SAMD9: variants seen among roughly 807,000 people sequenced by gnomAD.
The protein encoded by SAMD9 is sterile alpha motif domain-containing protein 9.
SAMD9 carries 3 observed loss-of-function variants against 1.5 expected under a neutral mutation model. The observed-to-expected ratio is 2.05, with a 90% CI of 0.93 to 5.29. SAMD9 has a LOEUF of 5.29. Ranked by LOEUF, SAMD9 falls within the 30% of genes most tolerant of loss-of-function variation. SAMD9 has a pLI of 0.02. For missense variants in SAMD9, 1,597 were observed against 1,820.8 expected (o/e 0.88, Z 2.24); for synonymous variants, 635 against 631.9 (o/e 1.00, Z -0.07).
At chr7:93,115,712 G>A (rs768844145) in intron 1 of SAMD9, among the ~76,000 whole-genome samples, 3 of 151,982 alleles carry the variant, frequency 2.0e-5, no homozygotes, top group South Asian at 2.1e-4. Flanking sequence ...AAAATAAAAC[G>A]GATGAATAAA....
In SAMD9 at chr7:93,105,514, T is replaced by G. The variant is rs2116422273; in HGVS notation, c.584A>C (p.His195Pro). 1 of 1,614,148 alleles carries G rather than the reference T, an allele frequency of 6.2e-7. No individual in the cohort carries two copies. Among genetic ancestry groups the G allele is most frequent in the South Asian group, 1.1e-5 (1 of 91,082 alleles). Residue 195 changes from histidine (H) to proline (P), a missense_variant, in exon 3 of 3, where the codon CAT becomes CCT. His to Pro is a moderately conservative substitution (Grantham distance 77). Coordinates refer to ENST00000379958, the MANE Select transcript of SAMD9 (RefSeq NM_017654.4). The stretch of plus-strand genomic sequence containing the variant: ...TGTATTTGTGAAGGCTTTGAATTCA[T>G]GTATCGGATCAATGAGATTGCCTGG... ...TGPGNLIDPI[H>P]EFKAFTNTAT...
intron 2 of SAMD9, among the ~76,000 whole-genome samples, chr7:93,106,685 T>C (rs1300221047): frequency 6.6e-6 from 1 of 152,264 alleles, no homozygotes; most frequent in African/African-American, 2.4e-5. Context: ...GTTACCTATT[T>C]GGTGACACCC....
In SAMD9 at chr7:93,101,567, A is replaced by G. The variant is rs371770834; in HGVS notation, c.4531T>C (p.Leu1511=). The change falls in exon 3 of 3, where the codon TTG becomes CTG. Residue 1511 remains leucine, a synonymous_variant. Transcript: ENST00000379958. ...CFKKTPDINS[L]WQSGDVWKEE... Reference sequence around the variant, plus strand: ...TTCCACACATCTCCACTCTGCCACAAGGAATTAATATCTGGTGTCTTCTTA... The same window carrying G: ...TTCCACACATCTCCACTCTGCCACAGGGAATTAATATCTGGTGTCTTCTTA... 4.1e-5 allele frequency: 66 copies of G among 1,613,764 alleles called. No individual in the cohort carries two copies. The Admixed American group carries it at 6.8e-4, about 17-fold the overall frequency.
intron 2 of SAMD9, among the ~76,000 whole-genome samples, chr7:93,114,198 G>C (rs962579408): frequency 6.6e-6 from 1 of 151,440 alleles, no homozygotes; most frequent in African/African-American, 2.4e-5. Flanking sequence ...GTGTTGCCAA[G>C]GACAGAAAGT....
chr7:93,114,935 A>G (rs948714644), intron 1 of SAMD9, 40 bp from the exon 2 acceptor site: 1 of 152,232 alleles, frequency 6.6e-6, no homozygotes, highest in Non-Finnish European at 1.5e-5. Flanking sequence ...GTAATCACAA[A>G]GTCATCAATA....
rs756902783 is a variant in SAMD9, at chr7:93,103,896, A to T, written c.2202T>A (p.His734Gln). 5.6e-6 allele frequency: 9 copies of T among 1,613,894 alleles called. No homozygotes were observed. In the African/African-American group the frequency reaches 8.0e-5, roughly 14 times the overall value. ...CCCCACAGCCTGGATGATGATACAG[A>T]TGAATAATTTTGGTACTTGTTGGTT... is the stretch of plus-strand genomic sequence containing the variant. Reference protein sequence around the residue: ...SSKPTSTKIIHLYHHPGCGGT... With the variant: ...SSKPTSTKIIQLYHHPGCGGT... Residue 734 changes from histidine (H) to glutamine (Q), a missense_variant, in exon 3 of 3, where the codon CAT (histidine) becomes CAA (glutamine). His to Gln is a conservative substitution (Grantham distance 24). Transcript: ENST00000379958.
At position 93,105,459 on chromosome 7, in the gene SAMD9, C is replaced by T; in HGVS notation, c.639G>A (p.Met213Ile). 3 of 1,614,030 alleles carry T rather than the reference C, an allele frequency of 1.9e-6. No individual in the cohort carries two copies. Among genetic ancestry groups the T allele is most frequent in the Non-Finnish European group, 2.5e-6 (3 of 1,179,970 alleles). The change falls in exon 3 of 3, where the codon ATG becomes ATA. Residue 213 changes from methionine to isoleucine, a missense_variant. By Grantham distance (10) the Met-to-Ile change is conservative (BLOSUM62 1). Transcript: ENST00000379958. ...ATCGGAAAACCTCATTGCTAAATTT[C>T]ATCTTGACATCCTCTTCTGTGGCTG... ...TATATEEDVK[M>I]KFSNEVFRFA... is the part of the protein sequence containing the mutation.
chr7:93,108,314 C>T lies in SAMD9; in HGVS notation c.-8-2209G>A, dbSNP rs371604152. Among the ~76,000 whole-genome samples, 67 of 152,234 alleles carry T rather than the reference C, an allele frequency of 4.4e-4. 1 individual carries two copies. Among genetic ancestry groups the T allele is most frequent in the East Asian group, 4.2e-3 (22 of 5,192 alleles). ...GTCACCTCCTCAAGCCATAGGGTGC[C>T]GAGTCTAAAGCACAGGGCCGGGTTC... On this transcript the variant is annotated intron_variant, in intron 2 of 2. Transcript: ENST00000379958.
At chr7:93,117,671 G>A (rs1046913312) in intron 1 of SAMD9, among the ~76,000 whole-genome samples, 192 bp downstream of exon 1, 1 of 152,136 alleles carries the variant, frequency 6.6e-6, no homozygotes, top group Non-Finnish European at 1.5e-5. Flanking sequence ...GAAATGTTAT[G>A]ACTAATTTTT....
chr7:93,108,217 G>T (rs987229084), intron 2 of SAMD9, among the ~76,000 whole-genome samples: 1 of 152,196 alleles, frequency 6.6e-6, no homozygotes, highest in Non-Finnish European at 1.5e-5. Flanking sequence ...ACTTGTGTCC[G>T]CAAAGTTTGT....
At chr7:93,110,654 T>C (rs973520799) in intron 2 of SAMD9, among the ~76,000 whole-genome samples, 2 of 152,032 alleles carry the variant, frequency 1.3e-5, no homozygotes, top group Non-Finnish European at 2.9e-5. Flanking sequence ...AGGGTTGCAA[T>C]TGTAGTCTCT....
chr7:93,104,080 A>G lies in SAMD9; in HGVS notation c.2018T>C (p.Leu673Pro). ...TLLEKDKNKF[L>P]EFKASKEEDF... ...TTCCTCTTTTGATGCCTTGAATTCA[A>G]GGAATTTATTTTTGTCCTTCTCTAA... The change falls in exon 3 of 3, where the codon CTT becomes CCT. Residue 673 changes from leucine (L) to proline (P), a missense_variant. By Grantham distance (98) the Leu-to-Pro change is moderately conservative. This residue lies in a region of SAMD9 where 358 missense variants were observed against 460.4 expected (regional missense o/e 0.78). Transcript: ENST00000379958. 1 of 1,614,004 alleles carries G rather than the reference A, an allele frequency of 6.2e-7. No individual in the cohort carries two copies. The highest frequency in any genetic ancestry group is 8.5e-7 in the Non-Finnish European group (1 of 1,179,870).
Position 93,111,867 on chromosome 7 carries a change from T to G in SAMD9, c.-9+2928A>C, listed in dbSNP as rs1439190829. Among the ~76,000 whole-genome samples the G allele has an allele frequency of 2.0e-5, 3 of 152,152 alleles. No individual in the cohort carries two copies. The East Asian group carries it at 5.8e-4, about 29-fold the overall frequency. On this transcript the variant is annotated intron_variant, in intron 2 of 2. Transcript: ENST00000379958. ...GGACCAGATGGATTCACAGCCAAAT[T>G]CTACCAGAGGTACAAAGAGGAGCTG...
At position 93,102,535 on chromosome 7, in the gene SAMD9, CGCCTT is replaced by C. The variant is rs1584252276; in HGVS notation, c.3558_3562del (p.Arg1187ValfsTer2). On this transcript the variant is annotated frameshift_variant, in exon 3 of 3. Transcript: ENST00000379958. LOFTEE classifies it low-confidence loss of function (END_TRUNC). ...ACCAGCTATATTGTAAGTATCATAC[CGCCTT>C]TTTGACTTCGGATACAATCTTTCCT... is the stretch of plus-strand genomic sequence containing the variant. 2.5e-6 allele frequency: 4 copies of C among 1,613,606 alleles called. No individual in the cohort carries two copies. The highest frequency in any genetic ancestry group is 3.4e-6 in the Non-Finnish European group (4 of 1,179,656).
Position 93,101,326 on chromosome 7 carries a change from T to C in SAMD9, c.*2A>G, listed in dbSNP as rs1481553543. ...AATTCTTGGAGGAAGAATATCAGGC[T>C]CTTAAACAATTTCAATGTCATAAGC... On this transcript the variant is annotated 3_prime_UTR_variant, in exon 3 of 3. Coordinates refer to ENST00000379958, the MANE Select transcript of SAMD9 (RefSeq NM_017654.4). 5 of 1,608,818 alleles carry C rather than the reference T, an allele frequency of 3.1e-6. No individual in the cohort carries two copies. In the South Asian group the frequency reaches 5.5e-5, roughly 18 times the overall value.
Position 93,103,645 on chromosome 7 carries a change from A to G in SAMD9, c.2453T>C (p.Ile818Thr). The G allele has an allele frequency of 3.1e-6, 5 of 1,613,810 alleles. No homozygotes were observed. Among genetic ancestry groups the G allele is most frequent in the Non-Finnish European group, 3.4e-6 (4 of 1,179,752 alleles). The change falls in exon 3 of 3, where the codon ATA becomes ACA. Residue 818 changes from isoleucine (I) to threonine (T), a missense_variant. Around this residue, in one of 6 missense-constraint regions of SAMD9, gnomAD observed 55 missense variants for 58.6 expected, o/e 0.94. Coordinates refer to ENST00000379958, the MANE Select transcript of SAMD9 (RefSeq NM_017654.4). ...TTCATATCGAATGTACTTTTTAGCT[A>G]TAGCTGTTTGAATAGAGTACTGCAG... ...YLLQYSIQTA[I>T]AKKYIRYEKP...
chr7:93,105,131 T>C lies in SAMD9; in HGVS notation c.967A>G (p.Ile323Val). 6.2e-7 allele frequency: 1 copy of C among 1,613,700 alleles called. No individual in the cohort carries two copies. The highest frequency in any genetic ancestry group is 1.1e-5 in the South Asian group (1 of 91,018). Reference sequence around the variant, plus strand: ...TTGTTGTTGTAATTTTGCATTTTAATCTGGAAATAATCATATTGGCATTCA... The same window carrying C: ...TTGTTGTTGTAATTTTGCATTTTAACCTGGAAATAATCATATTGGCATTCA... ...FSECQYDYFQ[I>V]KMQNYNNKIW... The change falls in exon 3 of 3, where the codon ATT becomes GTT. Residue 323 changes from isoleucine (I) to valine (V), a missense_variant. Physicochemically the swap from Ile to Val is conservative, Grantham distance 29. Around this residue, in one of 6 missense-constraint regions of SAMD9, gnomAD observed 498 missense variants for 457.4 expected, o/e 1.09. Transcript: ENST00000379958.
chr7:93,100,964 T>G lies in SAMD9; in HGVS notation c.*364A>C. 1 of 268,636 alleles carries G rather than the reference T, an allele frequency of 3.7e-6. No homozygotes were observed. The highest frequency in any genetic ancestry group is 7.1e-6 in the Non-Finnish European group (1 of 140,022). 16.6% of individuals were successfully genotyped at this position (268,636 alleles called of 1,614,324 possible). On this transcript the variant is annotated 3_prime_UTR_variant, in exon 3 of 3. Transcript: ENST00000379958. ...ATATTTTCCCAGACATTCTAATGTC[T>G]AAATGCCATTTGAGTAGACAATCTT...
chr7:93,111,110 C>G (rs1791735238), intron 2 of SAMD9, among the ~76,000 whole-genome samples: 1 of 152,148 alleles, frequency 6.6e-6, no homozygotes, highest in Non-Finnish European at 1.5e-5. Context: ...AACTGTCTCT[C>G]AGACCACAGT....
Sources: allele counts gnomAD v4.1 joint callset (sites outside exome capture counted in the v4.1 genomes callset), GRCh38; gene constraint gnomAD v4.1.1; regional missense constraint gnomAD v4.1.1; transcripts MANE v1.5; gene names NCBI Gene and HGNC (gene_info 2026-07-23, HGNC 2026-07-21).